ASIC2: variants seen among roughly 807,000 people sequenced by gnomAD.
The protein encoded by ASIC2 is acid-sensing ion channel 2.
A neutral mutation model predicts 57.3 loss-of-function variants in ASIC2; 25 were observed. That is an observed-to-expected ratio of 0.44 (90% CI 0.32 to 0.61). The LOEUF (loss-of-function observed/expected upper bound fraction) is 0.61, where lower values mean the gene tolerates loss of function less well. Among genes scored for constraint, ASIC2 ranks in the 20% least tolerant of loss-of-function variants. The pLI, the probability that ASIC2 is intolerant of heterozygous loss-of-function variation, is 0.06. For missense variants in ASIC2, 641 were observed against 738.1 expected, an observed-to-expected ratio of 0.87 and a Z score of 1.52; for synonymous variants, 319 against 307.5, an observed-to-expected ratio of 1.04 and a Z score of -0.39.
chr17:33,089,285 C>G (rs1402277267), intron 2 of ASIC2, among the ~76,000 whole-genome samples: 1 of 152,112 alleles, frequency 6.6e-6, no homozygotes, highest in African/African-American at 2.4e-5. Context: ...GCAGGAGGAT[C>G]AAGGTCAGAG....
chr17:33,075,533 C>T (rs1054005322), intron 3 of ASIC2, among the ~76,000 whole-genome samples: 8 of 152,158 alleles, frequency 5.3e-5, no homozygotes, highest in Admixed American at 4.6e-4. Flanking sequence ...CATTATCACC[C>T]TTTCAGGTCA....
chr17:34,027,568 T>A (rs1907426703), intron 1 of ASIC2, among the ~76,000 whole-genome samples: 1 of 152,230 alleles, frequency 6.6e-6, no homozygotes, highest in Non-Finnish European at 1.5e-5. Flanking sequence ...AGTAGTTGCA[T>A]ACTATTTCAG....
At chr17:33,803,381 T>C (rs565706694) in intron 1 of ASIC2, among the ~76,000 whole-genome samples, 22 of 151,918 alleles carry the variant, frequency 1.4e-4, no homozygotes, top group Non-Finnish European at 1.6e-4. Flanking sequence ...GGGGAGAGAT[T>C]TGCATACATG....
chr17:33,328,635 C>T (rs1239014700), intron 1 of ASIC2, among the ~76,000 whole-genome samples: 1 of 152,128 alleles, frequency 6.6e-6, no homozygotes, highest in Non-Finnish European at 1.5e-5. Context: ...CTTTAAAGAA[C>T]GTTAAAATTG....
At chr17:34,100,383 T>A (rs1910820168) in intron 1 of ASIC2, among the ~76,000 whole-genome samples, 1 of 152,168 alleles carries the variant, frequency 6.6e-6, no homozygotes, top group South Asian at 2.1e-4. Context: ...CCCAGCTCCA[T>A]GGCACGGTAA....
At chr17:33,968,509 T>C (rs1441118835) in intron 1 of ASIC2, among the ~76,000 whole-genome samples, 1 of 152,170 alleles carries the variant, frequency 6.6e-6, no homozygotes, top group Non-Finnish European at 1.5e-5. Context: ...CAGGAGCAAT[T>C]AAACCATCAC....
At chr17:33,256,278 A>G (rs575702964) in intron 1 of ASIC2, among the ~76,000 whole-genome samples, 31 of 152,314 alleles carry the variant, frequency 2.0e-4, no homozygotes, top group African/African-American at 7.0e-4. Flanking sequence ...TTTGTGTGAG[A>G]TGATAAGAAA....
intron 1 of ASIC2, among the ~76,000 whole-genome samples, chr17:34,095,411 T>C (rs1388633899): frequency 6.6e-6 from 1 of 152,010 alleles, no homozygotes; most frequent in Non-Finnish European, 1.5e-5. Flanking sequence ...GATAAATAAA[T>C]TCTTTTTCTC....
intron 1 of ASIC2, among the ~76,000 whole-genome samples, chr17:33,446,779 T>A (rs1201851689): frequency 6.6e-6 from 1 of 152,196 alleles, no homozygotes; most frequent in East Asian, 1.9e-4. Context: ...AAGGGAAATC[T>A]TTGAACCTAG....
intron 1 of ASIC2, among the ~76,000 whole-genome samples, chr17:33,812,634 A>G (rs910665189): frequency 6.6e-6 from 1 of 152,060 alleles, no homozygotes; most frequent in Non-Finnish European, 1.5e-5. Context: ...CTCCTTTAAG[A>G]CTTCTGGGGC....
intron 1 of ASIC2, among the ~76,000 whole-genome samples, chr17:33,118,855 T>C (rs1009580469): frequency 6.6e-6 from 1 of 152,030 alleles, no homozygotes; most frequent in Non-Finnish European, 1.5e-5. Context: ...TCCTGGAGCA[T>C]TGCATCCAGG....
intron 1 of ASIC2, among the ~76,000 whole-genome samples, chr17:33,721,913 G>C (rs1361942069): frequency 1.3e-5 from 2 of 152,200 alleles, no homozygotes; most frequent in African/African-American, 4.8e-5. Context: ...GACAAGGCGA[G>C]AGATGAAGGC....
intron 1 of ASIC2, among the ~76,000 whole-genome samples, chr17:33,345,123 AT>A (rs1181889705): frequency 6.6e-6 from 1 of 152,204 alleles, no homozygotes; most frequent in Non-Finnish European, 1.5e-5. Flanking sequence ...CTCATTTGTA[AT>A]TAGTAAGTGT....
At chr17:33,158,662 G>T (rs1793112993) in intron 1 of ASIC2, among the ~76,000 whole-genome samples, 1 of 152,242 alleles carries the variant, frequency 6.6e-6, no homozygotes, top group African/African-American at 2.4e-5. Context: ...AACTGTCTGA[G>T]TTCAAAACCC....
chr17:34,015,286 T>TAG (rs538779690), intron 1 of ASIC2, among the ~76,000 whole-genome samples: 286 of 152,198 alleles, frequency 1.9e-3, no homozygotes, highest in African/African-American at 6.6e-3. Flanking sequence ...TGTGCAAGGG[T>TAG]AGAGACTCCA....
chr17:33,351,827 G>A (rs1053166207), intron 1 of ASIC2, among the ~76,000 whole-genome samples: 2 of 152,174 alleles, frequency 1.3e-5, no homozygotes, highest in African/African-American at 4.8e-5. Context: ...AACAGGGAAG[G>A]AAGAGACATG....
chr17:33,439,190 G>A (rs532483976), intron 1 of ASIC2, among the ~76,000 whole-genome samples: 2 of 152,282 alleles, frequency 1.3e-5, no homozygotes, highest in African/African-American at 4.8e-5. Context: ...TCAGCCTTGT[G>A]TGTGACTTTC....
chr17:33,814,886 T>C (rs1342457713), intron 1 of ASIC2, among the ~76,000 whole-genome samples: 1 of 152,230 alleles, frequency 6.6e-6, no homozygotes, highest in Admixed American at 6.5e-5. Context: ...GTCTGTAGTC[T>C]CTTTATCTGT....
chr17:33,509,653 G>T (rs1188560624), intron 1 of ASIC2, among the ~76,000 whole-genome samples: 2 of 152,216 alleles, frequency 1.3e-5, no homozygotes, highest in Non-Finnish European at 2.9e-5. Context: ...GGCAAGTCAG[G>T]CCCCGCAGAG....
Sources: allele counts gnomAD v4.1 joint callset (sites outside exome capture counted in the v4.1 genomes callset), GRCh38; gene constraint gnomAD v4.1.1; transcripts MANE v1.5; gene names NCBI Gene and HGNC (gene_info 2026-07-23, HGNC 2026-07-21).